CDH23: variants seen among roughly 807,000 people sequenced by gnomAD.
CDH23 encodes cadherin-23.
CDH23 carries 189 observed loss-of-function variants against 317.1 expected under a neutral mutation model. That is an observed-to-expected ratio of 0.60 (90% CI 0.53 to 0.67). The LOEUF is 0.67. CDH23 is among the 30% of genes least tolerant of loss of function. The pLI, the probability that CDH23 is intolerant of heterozygous loss-of-function variation, is 0.00. For synonymous variants in CDH23, 1,839 were observed against 1,876.8 expected (o/e 0.98, Z 0.52); for missense variants, 4,401 against 4,592.4 (o/e 0.96, Z 1.20).
intron 14 of CDH23, among the ~76,000 whole-genome samples, chr10:71,672,677 G>A (rs1278266582): frequency 2.0e-5 from 3 of 152,196 alleles, no homozygotes; most frequent in Non-Finnish European, 4.4e-5. Context: ...GCCAAGCCTT[G>A]CAGGGGTTGG....
chr10:71,786,309 G>T (rs1444858936), intron 44 of CDH23, among the ~76,000 whole-genome samples: 1 of 152,118 alleles, frequency 6.6e-6, no homozygotes, highest in Non-Finnish European at 1.5e-5. Flanking sequence ...TAGATTCCTA[G>T]CCAGAAGCCT....
chr10:71,519,936 A>C (rs548769658), intron 6 of CDH23, among the ~76,000 whole-genome samples: 76 of 152,128 alleles, frequency 5.0e-4, no homozygotes, highest in African/African-American at 1.6e-3. Context: ...CTACAGGCAC[A>C]TACCAACATG....
chr10:71,439,882 G>C lies in CDH23; in HGVS notation c.51G>C (p.Leu17=), dbSNP rs540339116. Reference sequence around the variant, plus strand: ...GCCACGTGGCCTGGCTTTTGGTGCTGATCTCTGGATGCTGGGGTAAGTCCA... The same window carrying C: ...GCCACGTGGCCTGGCTTTTGGTGCTCATCTCTGGATGCTGGGGTAAGTCCA... ...TSCHVAWLLV[L]ISGCWGQVNR... The change falls in exon 2 of 70, where the codon CTG becomes CTC. Residue 17 remains leucine (L), a synonymous_variant. Transcript: ENST00000224721. 2.5e-5 allele frequency: 40 copies of C among 1,575,056 alleles called. No individual in the cohort carries two copies. The Admixed American group carries it at 7.3e-4, about 29-fold the overall frequency.
chr10:71,615,906 T>G (rs1016182176), intron 10 of CDH23, among the ~76,000 whole-genome samples: 1 of 152,264 alleles, frequency 6.6e-6, no homozygotes, highest in Non-Finnish European at 1.5e-5. Context: ...GTGCTCATCC[T>G]GTGGTCCTTC....
intron 43 of CDH23, 21 bp from the exon 44 acceptor site, chr10:71,785,610 T>C (rs1564792529): frequency 6.0e-6 from 9 of 1,504,556 alleles, no homozygotes; most frequent in Non-Finnish European, 8.2e-6. Context: ...TCCATGCAGC[T>C]CACCACCCTC....
At chr10:71,675,040 A>G in intron 14 of CDH23, 72 bp from the exon 15 acceptor site, 2 of 1,382,804 alleles carry the variant, frequency 1.4e-6, no homozygotes, top group East Asian at 2.3e-5. Flanking sequence ...TGCGAGAGGA[A>G]CATGGGTTTC....
At chr10:71,471,781 C>T (rs954226439) in intron 3 of CDH23, among the ~76,000 whole-genome samples, 2 of 152,108 alleles carry the variant, frequency 1.3e-5, no homozygotes, top group Non-Finnish European at 2.9e-5. Context: ...TTTTCTTTTC[C>T]TTCATGCATC....
intron 6 of CDH23, among the ~76,000 whole-genome samples, chr10:71,523,967 T>C (rs1854865105): frequency 6.6e-6 from 1 of 152,194 alleles, no homozygotes; most frequent in Non-Finnish European, 1.5e-5. Flanking sequence ...GCACGGCCTT[T>C]CTACTTCCCT....
chr10:71,743,325 TA>T (rs1483256144), intron 38 of CDH23, among the ~76,000 whole-genome samples: 1 of 152,188 alleles, frequency 6.6e-6, no homozygotes, highest in African/African-American at 2.4e-5. Flanking sequence ...CATAGCAGGT[TA>T]GACCTCTCCC....
intron 42 of CDH23, 150 bp from the exon 43 acceptor site, chr10:71,784,741 C>T: frequency 1.5e-6 from 1 of 654,040 alleles, no homozygotes. Context: ...TCTTTTTCTT[C>T]TTTCTTCCTC....
At chr10:71,702,718 T>C (rs1381657927) in intron 24 of CDH23, 24 bp downstream of exon 24, 1 of 1,612,934 alleles carries the variant, frequency 6.2e-7, no homozygotes, top group Non-Finnish European at 8.5e-7. Flanking sequence ...ATCTCATTCC[T>C]ACCAGCCCAG....
intron 1 of CDH23, among the ~76,000 whole-genome samples, chr10:71,417,441 A>G (rs1164924430): frequency 2.0e-5 from 3 of 152,174 alleles, no homozygotes; most frequent in Non-Finnish European, 2.9e-5. Flanking sequence ...GATTTATCCA[A>G]TCTTTGGCTT....
chr10:71,628,332 G>T (rs1861845659), intron 11 of CDH23, among the ~76,000 whole-genome samples: 1 of 152,198 alleles, frequency 6.6e-6, no homozygotes, highest in African/African-American at 2.4e-5. Flanking sequence ...GCAGGGATGG[G>T]GCTGGGCACA....
chr10:71,679,268 A>G lies in CDH23; in HGVS notation c.1753-119A>G, dbSNP rs1258308239. 4.0e-6 allele frequency: 3 copies of G among 748,100 alleles called. No individual in the cohort carries two copies. The South Asian group carries it at 4.8e-5, about 12-fold the overall frequency. 46.3% of individuals were successfully genotyped at this position (748,100 alleles called of 1,614,324 possible). A position where few individuals can be genotyped will look rare whatever the true frequency, so the allele number is the denominator to read the frequency against. On this transcript the variant is annotated intron_variant, in intron 16 of 69. Transcript: ENST00000224721. ...GGGCCAGGACAAGACCCAGGGCTGGATCACCCAAAAAAGGAGCTGTGAACA... is the reference window on the plus strand; with the variant it reads ...GGGCCAGGACAAGACCCAGGGCTGGGTCACCCAAAAAAGGAGCTGTGAACA...
At chr10:71,401,162 G>A (rs1847764311) in intron 1 of CDH23, among the ~76,000 whole-genome samples, 1 of 152,132 alleles carries the variant, frequency 6.6e-6, no homozygotes, top group South Asian at 2.1e-4. Context: ...CCAGCCTCCT[G>A]TGCATAATGT....
At chr10:71,778,124 G>A (rs1166354430) in intron 39 of CDH23, 65 bp from the exon 40 acceptor site, 1 of 1,597,578 alleles carries the variant, frequency 6.3e-7, no homozygotes, top group East Asian at 2.3e-5. Context: ...TTCCCAAATT[G>A]GTCAGAGGGT....
chr10:71,441,845 G>A (rs1319891038), intron 2 of CDH23, among the ~76,000 whole-genome samples: 13 of 152,324 alleles, frequency 8.5e-5, no homozygotes, highest in South Asian at 6.2e-4. Context: ...AAGATGCTTC[G>A]TGCATTCAGG....
In CDH23 at chr10:71,700,735, C is replaced by T. The variant is rs144700764; in HGVS notation, c.2398-1287C>T. On this transcript the variant is annotated intron_variant, in intron 22 of 69. Transcript: ENST00000224721. ...TGCCCCCACCTCTCTGAAGGAGAAG[C>T]CTGCCTAGGGTGCCACAGCATTCAG... is the stretch of plus-strand genomic sequence containing the variant. Among the ~76,000 whole-genome samples the T allele has an allele frequency of 5.4e-3, 821 of 152,286 alleles. 29 individuals are homozygous for T. The highest frequency in any genetic ancestry group is 1.2e-3 in the Non-Finnish European group (84 of 68,014).
chr10:71,678,813 A>G (rs943121553), intron 16 of CDH23, among the ~76,000 whole-genome samples: 1 of 152,162 alleles, frequency 6.6e-6, no homozygotes, highest in Non-Finnish European at 1.5e-5. Context: ...GCTTTCATGC[A>G]ACATGCATGG....
Sources: allele counts gnomAD v4.1 joint callset (sites outside exome capture counted in the v4.1 genomes callset), GRCh38; gene constraint gnomAD v4.1.1; transcripts MANE v1.5; gene names NCBI Gene and HGNC (gene_info 2026-07-23, HGNC 2026-07-21).